FOCAD: variants seen among roughly 807,000 people sequenced by gnomAD.
FOCAD encodes focadhesin, also known as KIAA1797.
FOCAD carries 198 observed loss-of-function variants against 225.6 expected under a neutral mutation model. That is an observed-to-expected ratio of 0.88 (90% CI 0.78 to 0.99). The LOEUF is 0.99. FOCAD is among the 50% of genes least tolerant of loss of function. FOCAD has a pLI of 0.00. For missense variants in FOCAD, 2,713 were observed against 2,123.6 expected (o/e 1.28, Z -5.46); for synonymous variants, 897 against 755.0 (o/e 1.19, Z -3.08).
At chr9:20,703,328 T>C (rs1265426081) in intron 1 of FOCAD, among the ~76,000 whole-genome samples, 1 of 151,938 alleles carries the variant, frequency 6.6e-6, no homozygotes, top group Non-Finnish European at 1.5e-5. Flanking sequence ...GCTGAGGGTG[T>C]GGTTGTCGGG....
At chr9:20,944,533 A>G in intron 28 of FOCAD, 94 bp from the exon 29 acceptor site, 1 of 1,406,538 alleles carries the variant, frequency 7.1e-7, no homozygotes, top group Non-Finnish European at 9.8e-7. Context: ...CCATCTCACC[A>G]AGGTTTGAGA....
intron 11 of FOCAD, among the ~76,000 whole-genome samples, chr9:20,809,500 ACTGTATTGGGC>A (rs1294369279): frequency 6.6e-6 from 1 of 152,156 alleles, no homozygotes. Flanking sequence ...GCTAGTGGCT[ACTGTATTGGGC>A]AACCTAGCTC....
intron 2 of FOCAD, 129 bp downstream of exon 2, chr9:20,715,539 CT>C (rs1361675896): frequency 3.2e-5 from 12 of 374,438 alleles, no homozygotes; most frequent in Non-Finnish European, 4.9e-5. Context: ...TGTGAAACAA[CT>C]TTAAATATAC....
chr9:20,659,635 C>T (rs1343202090), intron 2 of FOCAD, among the ~76,000 whole-genome samples: 1 of 152,218 alleles, frequency 6.6e-6, no homozygotes, highest in African/African-American at 2.4e-5. Context: ...GATTTCCCTG[C>T]ATCCAGAGCT....
intron 35 of FOCAD, among the ~76,000 whole-genome samples, chr9:20,968,531 T>A (rs1587743172): frequency 1.6e-5 from 2 of 127,760 alleles, no homozygotes; most frequent in East Asian, 5.5e-4. Context: ...AACCTCCACC[T>A]CCTGGGTTCA....
intron 4 of FOCAD, among the ~76,000 whole-genome samples, chr9:20,734,023 A>G (rs932826206): frequency 1.3e-5 from 2 of 152,182 alleles, no homozygotes; most frequent in Non-Finnish European, 2.9e-5. Flanking sequence ...AAAACAAACA[A>G]ACAAACAAAA....
At chr9:20,895,808 C>T (rs889435233) in intron 21 of FOCAD, among the ~76,000 whole-genome samples, 1 of 151,788 alleles carries the variant, frequency 6.6e-6, no homozygotes, top group African/African-American at 2.4e-5. Flanking sequence ...ACACTCATGT[C>T]ATCTGCAAGC....
At chr9:20,880,774 A>G (rs1830604379) in intron 19 of FOCAD, among the ~76,000 whole-genome samples, 1 of 152,190 alleles carries the variant, frequency 6.6e-6, no homozygotes. Context: ...AATTCCAGTT[A>G]GGTGGACCCT....
At chr9:20,768,143 C>T (rs1044228644) in intron 7 of FOCAD, among the ~76,000 whole-genome samples, 6 of 148,394 alleles carry the variant, frequency 4.0e-5, no homozygotes, top group African/African-American at 9.9e-5. Flanking sequence ...TGTAGATATG[C>T]GGCGTTATTT....
chr9:20,771,197 C>G (rs1818185268), intron 8 of FOCAD, among the ~76,000 whole-genome samples: 1 of 152,164 alleles, frequency 6.6e-6, no homozygotes, highest in Non-Finnish European at 1.5e-5. Flanking sequence ...TTCAAAAAAA[C>G]AAGAGGATGT....
chr9:20,949,875 A>G lies in FOCAD; in HGVS notation c.3948+200A>G, dbSNP rs979849085. Among the ~76,000 whole-genome samples, 6 of 152,216 alleles carry G rather than the reference A, an allele frequency of 3.9e-5. No individual in the cohort carries two copies. In the South Asian group the frequency reaches 1.2e-3, roughly 32 times the overall value. On this transcript the variant is annotated intron_variant, in intron 33 of 43. Transcript: ENST00000338382. ...TGCACTACCTTTGGGAAAAAAAGAA[A>G]GCTGGCATTTTTTTTAGTAAACTTA...
chr9:20,753,113 A>G (rs541100143), intron 5 of FOCAD, among the ~76,000 whole-genome samples: 4 of 152,148 alleles, frequency 2.6e-5, no homozygotes, highest in Non-Finnish European at 4.4e-5. Context: ...AAACAGGGAC[A>G]ATTTGACTTC....
chr9:20,878,747 C>T (rs1830433679), intron 19 of FOCAD, among the ~76,000 whole-genome samples: 1 of 152,162 alleles, frequency 6.6e-6, no homozygotes, highest in South Asian at 2.1e-4. Context: ...AGACTATCTG[C>T]AAGCTGGAGA....
chr9:20,839,685 G>T (rs1229320629), intron 15 of FOCAD, among the ~76,000 whole-genome samples: 1 of 151,786 alleles, frequency 6.6e-6, no homozygotes, highest in East Asian at 1.9e-4. Context: ...GTACATAAGT[G>T]TATATAGTTA....
At chr9:20,951,230 GAGGGAA>G in intron 34 of FOCAD, 132 bp downstream of exon 34, 4 of 679,178 alleles carry the variant, frequency 5.9e-6, no homozygotes, top group Non-Finnish European at 7.6e-6. Flanking sequence ...TTTTACGTCA[GAGGGAA>G]ATGGTGTATG....
chr9:20,944,499 C>T, intron 28 of FOCAD, 128 bp from the exon 29 acceptor site: 1 of 983,280 alleles, frequency 1.0e-6, no homozygotes. Flanking sequence ...ACACCATCTA[C>T]TAGGCAGCAG....
At chr9:20,836,515 G>GT (rs1317348338) in intron 15 of FOCAD, among the ~76,000 whole-genome samples, 1 of 152,018 alleles carries the variant, frequency 6.6e-6, no homozygotes, top group Non-Finnish European at 1.5e-5. Context: ...GTTGGGGCAT[G>GT]TTTTTTTGAT....
chr9:20,914,242 TTATTGAGTGTCTG>T (rs1833689825), intron 23 of FOCAD, among the ~76,000 whole-genome samples: 1 of 152,144 alleles, frequency 6.6e-6, no homozygotes, highest in Non-Finnish European at 1.5e-5. Context: ...CAAAAAGTAT[TTATTGAGTGTCTG>T]TCATGTGCCA....
chr9:20,898,863 T>C (rs1036576447), intron 21 of FOCAD, among the ~76,000 whole-genome samples: 2 of 151,936 alleles, frequency 1.3e-5, no homozygotes, highest in Non-Finnish European at 2.9e-5. Flanking sequence ...TGGTAAGGTG[T>C]TGGGGGAGTA....
Sources: gnomAD v4.1 joint callset for allele counts (sites outside exome capture counted in the v4.1 genomes callset) on GRCh38, gnomAD v4.1.1 for gene constraint, MANE v1.5 for transcripts, NCBI Gene and HGNC (gene_info 2026-07-23, HGNC 2026-07-21) for gene names.